The following CRMP1 variants were observed in gnomAD, a reference collection of about 807,000 sequenced individuals.
CRMP1 encodes the protein collapsin response mediator protein 1, also known as dihydropyrimidinase-related protein 1.
A neutral mutation model predicts 68.3 loss-of-function variants in CRMP1; 19 were observed. That is an observed-to-expected ratio of 0.28 (90% CI 0.19 to 0.41). The LOEUF is 0.41. Ranked by LOEUF, CRMP1 falls within the 10% of genes least tolerant of loss-of-function variation. The pLI, the probability that CRMP1 is intolerant of heterozygous loss-of-function variation, is 1.00. For missense variants in CRMP1, 791 were observed against 967.4 expected (o/e 0.82, Z 2.42); for synonymous variants, 439 against 399.6 (o/e 1.10, Z -1.18).
In CRMP1 at chr4:5,865,619, CAAAAA is replaced by C; in HGVS notation, c.470+1044_470+1048del. 1.3e-5 allele frequency among the ~76,000 whole-genome samples: 1 copy of C among 78,810 alleles called. No individual in the cohort carries two copies. The highest frequency in any genetic ancestry group is 4.1e-4 in the South Asian group (1 of 2,416). 51.7% of individuals were successfully genotyped at this position (78,810 alleles called of 152,430 possible). A position where few individuals can be genotyped will look rare whatever the true frequency, so the allele number is the denominator to read the frequency against. On this transcript the variant is annotated intron_variant, in intron 2 of 13. Transcript: ENST00000324989. The surrounding 1 kb of genome is among the most constrained non-coding windows in gnomAD (Gnocchi z 4.1). ...CTGGTGACAGAGTGAGACTCCGTCT[CAAAAA>C]AAAAAAAAAAAAAGAAGGCCGCCGC...
rs149485730 is a variant in CRMP1, at chr4:5,828,506, C to A, written c.1786G>T (p.Val596Phe). The change falls in exon 12 of 14, where the codon GTC (valine) becomes TTC (phenylalanine). Residue 596 changes from valine to phenylalanine, a missense_variant. Val to Phe is a conservative substitution (Grantham distance 50). Transcript: ENST00000324989. ...ACACTCACCTTATTCCTGATTTTGA[C>A]GCGCTGGTACAGGTGCTCCGGGAAC... The part of the protein sequence containing the change: ...KAFPEHLYQR[V>F]KIRNKVFGLQ... 6.2e-7 allele frequency: 1 copy of A among 1,613,908 alleles called. No individual in the cohort carries two copies. The highest frequency in any genetic ancestry group is 8.5e-7 in the Non-Finnish European group (1 of 1,179,920).
chr4:5,824,227 C>T, intron 13 of CRMP1: 4 of 922,316 alleles, frequency 4.3e-6, no homozygotes, highest in South Asian at 5.0e-5. Flanking sequence ...TCTTGTTGCA[C>T]CCAGATAGCT....
chr4:5,889,760 A>T lies in CRMP1; in HGVS notation c.381+2829T>A, dbSNP rs745832556. 2.6e-6 allele frequency: 4 copies of T among 1,534,196 alleles called. No individual in the cohort carries two copies. The highest frequency in any genetic ancestry group is 3.5e-6 in the Non-Finnish European group (4 of 1,145,542). ...CTAGGCTTGGTACAGCTCCCCCAGC[A>T]CTGTGGTTGGGGGCTGGGGCCCTGA... On this transcript the variant is annotated intron_variant, in intron 1 of 13. Coordinates refer to ENST00000324989, the MANE Select transcript of CRMP1 (RefSeq NM_001014809.3). The surrounding 1 kb of genome is among the most constrained non-coding windows in gnomAD (Gnocchi z 4.5).
chr4:5,846,468 T>G (rs1270061877), intron 6 of CRMP1, among the ~76,000 whole-genome samples: 1 of 152,118 alleles, frequency 6.6e-6, no homozygotes, highest in Admixed American at 6.6e-5. Flanking sequence ...CCTTTTGTCT[T>G]ATGGTGTGAA....
intron 1 of CRMP1, among the ~76,000 whole-genome samples, chr4:5,867,569 C>T (rs1714086503): frequency 6.6e-6 from 1 of 152,198 alleles, no homozygotes; most frequent in Non-Finnish European, 1.5e-5. Flanking sequence ...TGCACACATC[C>T]ACTCACTCAT....
At chr4:5,837,678 T>TAAAATAAATAAAATAAAATA in intron 9 of CRMP1, among the ~76,000 whole-genome samples, 1 of 126,306 alleles carries the variant, frequency 7.9e-6, no homozygotes. Context: ...TAAAATAAAA[T>TAAAATAAATAAAATAAAATA]AAATAAAATA....
At chr4:5,852,001 AGAGGAC>A (rs1712694525) in intron 4 of CRMP1, among the ~76,000 whole-genome samples, 1 of 129,206 alleles carries the variant, frequency 7.7e-6, no homozygotes, top group South Asian at 2.7e-4. Flanking sequence ...AGGAGGAGAA[AGAGGAC>A]GAGGAGGAGG....
rs1185424448 is a variant in CRMP1 at position 5,828,599 on chromosome 4, T to G, written c.1693A>C (p.Lys565Gln). ...ATGTTTCCGTCTTCAAAGACGATCTTGCCCTGGCTGATGACCACTAGTGGG... is the reference window on the plus strand; with the variant it reads ...ATGTTTCCGTCTTCAAAGACGATCTGGCCCTGGCTGATGACCACTAGTGGG... ...GSPLVVISQG[K>Q]IVFEDGNINV... The change falls in exon 12 of 14, where the codon AAG (lysine) becomes CAG (glutamine). Residue 565 changes from lysine to glutamine, a missense_variant. Physicochemically the swap from Lys to Gln is moderately conservative, Grantham distance 53 (BLOSUM62 1). Around this residue, in one of 3 missense-constraint regions of CRMP1, gnomAD observed 594 missense variants for 763.6 expected, o/e 0.78. Transcript: ENST00000324989. 3.7e-6 allele frequency: 6 copies of G among 1,614,096 alleles called. No individual in the cohort carries two copies. The highest frequency in any genetic ancestry group is 5.1e-6 in the Non-Finnish European group (6 of 1,180,030).
chr4:5,822,130 T>TCAAA (rs1215831859), intron 13 of CRMP1, among the ~76,000 whole-genome samples: 1 of 152,280 alleles, frequency 6.6e-6, no homozygotes, highest in Non-Finnish European at 1.5e-5. Context: ...AGACAGGTGA[T>TCAAA]CAAACACTTA....
At position 5,825,203 on chromosome 4, in the gene CRMP1, G is replaced by T. The variant is rs1307562596; in HGVS notation, c.1969+291C>A. ...TACTTTCATGAGGAAGAGTGTGAAAGTGTCCCCAAATGTGTGTAAGGATGA... is the reference window on the plus strand; with the variant it reads ...TACTTTCATGAGGAAGAGTGTGAAATTGTCCCCAAATGTGTGTAAGGATGA... On this transcript the variant is annotated intron_variant, in intron 13 of 13. Transcript: ENST00000324989. The surrounding 1 kb of genome is among the most constrained non-coding windows in gnomAD (Gnocchi z 4.4). 4.2e-5 allele frequency: 41 copies of T among 985,214 alleles called. No individual in the cohort carries two copies. Among genetic ancestry groups the T allele is most frequent in the Non-Finnish European group, 4.9e-5 (41 of 829,932 alleles). The allele number at this position is 985,214 out of a possible 1,614,324, so 61.0% of individuals were successfully genotyped here.
rs1323906062 is a variant in CRMP1 at position 5,891,559 on chromosome 4, G to C, written c.381+1030C>G. 6.6e-6 allele frequency among the ~76,000 whole-genome samples: 1 copy of C among 152,208 alleles called. No homozygotes were observed. The highest frequency in any genetic ancestry group is 1.5e-5 in the Non-Finnish European group (1 of 68,028). ...ATGAATCCGTCGCTCACCCTAGCCT[G>C]GGAACTTCTGGAGGGTGGGGCCAGG... On this transcript the variant is annotated intron_variant, in intron 1 of 13. Coordinates refer to ENST00000324989, the MANE Select transcript of CRMP1 (RefSeq NM_001014809.3). The surrounding 1 kb of genome is among the most constrained non-coding windows in gnomAD (Gnocchi z 5.2).
rs1553910127 is a variant in CRMP1, at chr4:5,891,187, C to CACACAA, written c.381+1401_381+1402insTTGTGT. Reference sequence around the variant, plus strand: ...CACCACACACACATACACACACACACACACACACACACACACACACACACA... The same window carrying CACACAA: ...CACCACACACACATACACACACACACACACAAACACACACACACACACACACACACA... On this transcript the variant is annotated intron_variant, in intron 1 of 13. Coordinates refer to ENST00000324989, the MANE Select transcript of CRMP1 (RefSeq NM_001014809.3). The surrounding 1 kb of genome is among the most constrained non-coding windows in gnomAD (Gnocchi z 5.2). 4.5e-4 allele frequency among the ~76,000 whole-genome samples: 67 copies of CACACAA among 150,314 alleles called. No homozygotes were observed. The East Asian group carries it at 0.013, about 29-fold the overall frequency.
In CRMP1 at chr4:5,888,607, C is replaced by G. The variant is rs2152477367; in HGVS notation, c.381+3982G>C. ...TCGGCTCGAACCAGGAAGCGCTTCC[C>G]TTCCGATCTCCCACCCCGCCCCCCG... is the stretch of plus-strand genomic sequence containing the variant. On this transcript the variant is annotated intron_variant, in intron 1 of 13. Coordinates refer to ENST00000324989, the MANE Select transcript of CRMP1 (RefSeq NM_001014809.3). The surrounding 1 kb of genome is among the most constrained non-coding windows in gnomAD (Gnocchi z 6.4). 9.7e-7 allele frequency: 1 copy of G among 1,032,782 alleles called. No homozygotes were observed. The highest frequency in any genetic ancestry group is 7.8e-5 in the East Asian group (1 of 12,844). 64.0% of individuals were successfully genotyped at this position (1,032,782 alleles called of 1,614,324 possible).
chr4:5,837,018 A>G, intron 9 of CRMP1, 112 bp from the exon 10 acceptor site: 1 of 1,256,174 alleles, frequency 8.0e-7, no homozygotes, highest in Non-Finnish European at 1.1e-6. Flanking sequence ...TAGATAAGGA[A>G]GCCAGTGGGT....
intron 4 of CRMP1, among the ~76,000 whole-genome samples, chr4:5,852,851 G>C (rs1024679817): frequency 2.6e-5 from 4 of 152,160 alleles, no homozygotes; most frequent in Non-Finnish European, 5.9e-5. Context: ...CTTCCCAGGG[G>C]AGTACAGCTC....
At position 5,825,757 on chromosome 4, in the gene CRMP1, G is replaced by A. The variant is rs1719465884; in HGVS notation, c.1804-98C>T. Reference sequence around the variant, plus strand: ...CCCTGCGGGCGAGAGAGAAACCTGAGGTCACTTCAAATGTGCATGCACACA... The same window carrying A: ...CCCTGCGGGCGAGAGAGAAACCTGAAGTCACTTCAAATGTGCATGCACACA... On this transcript the variant is annotated intron_variant, in intron 12 of 13. Transcript: ENST00000324989. This position sits in a 1 kb window ranked among gnomAD's most constrained non-coding sequence, Gnocchi z 4.4. 13 of 1,283,990 alleles carry A rather than the reference G, an allele frequency of 1.0e-5. No homozygotes were observed. Among genetic ancestry groups the A allele is most frequent in the Admixed American group, 7.5e-5 (3 of 39,804 alleles). 79.5% of individuals were successfully genotyped at this position (1,283,990 alleles called of 1,614,324 possible).
chr4:5,862,649 C>G (rs141598562), intron 2 of CRMP1, among the ~76,000 whole-genome samples: 1 of 152,190 alleles, frequency 6.6e-6, no homozygotes, highest in Non-Finnish European at 1.5e-5. Flanking sequence ...GGCCTGGGCA[C>G]GGTCCAGGCA....
chr4:5,876,682 G>A (rs548382830), intron 1 of CRMP1, among the ~76,000 whole-genome samples: 1 of 152,192 alleles, frequency 6.6e-6, no homozygotes, highest in Non-Finnish European at 1.5e-5. Context: ...ACATACTCAT[G>A]ATGTTGAAGC....
chr4:5,856,359 G>T (rs772534472), intron 3 of CRMP1, 52 bp from the exon 4 acceptor site: 34 of 1,523,554 alleles, frequency 2.2e-5, no homozygotes, highest in East Asian at 2.3e-5. Context: ...TGTTCCAATG[G>T]TAGCCACATC....
Sources: gnomAD v4.1 joint callset for allele counts (sites outside exome capture counted in the v4.1 genomes callset) on GRCh38, gnomAD v4.1.1 for gene constraint, gnomAD v4.1.1 regional missense constraint, Gnocchi (gnomAD v3.1) non-coding constraint, MANE v1.5 for transcripts, NCBI Gene and HGNC (gene_info 2026-07-23, HGNC 2026-07-21) for gene names.